The following CLSTN2 variants were observed in gnomAD, a reference collection of about 807,000 sequenced individuals.
CLSTN2 encodes calsyntenin-2.
CLSTN2 carries 48 observed loss-of-function variants against 101.2 expected under a neutral mutation model. That is an observed-to-expected ratio of 0.47 (90% CI 0.38 to 0.60). The LOEUF is 0.60. Ranked by LOEUF, CLSTN2 falls within the 20% of genes least tolerant of loss-of-function variation. CLSTN2 has a pLI of 0.00. For synonymous variants in CLSTN2, 481 were observed against 463.6 expected (o/e 1.04, Z -0.48); for missense variants, 1,160 against 1,238.2 (o/e 0.94, Z 0.95).
intron 2 of CLSTN2, among the ~76,000 whole-genome samples, chr3:140,402,303 G>A (rs2088251755): frequency 6.6e-6 from 1 of 152,114 alleles, no homozygotes; most frequent in South Asian, 2.1e-4. Context: ...TGGTGTGGTG[G>A]GATAGAAAGT....
chr3:140,253,826 T>C (rs971400547), intron 2 of CLSTN2, among the ~76,000 whole-genome samples: 1 of 152,126 alleles, frequency 6.6e-6, no homozygotes, highest in Non-Finnish European at 1.5e-5. Flanking sequence ...TCTTGCCATT[T>C]AGTCCTCTAA....
At chr3:140,311,865 T>C (rs1453522983) in intron 2 of CLSTN2, among the ~76,000 whole-genome samples, 1 of 152,288 alleles carries the variant, frequency 6.6e-6, no homozygotes, top group South Asian at 2.1e-4. Context: ...GAACAAACTT[T>C]TGCTAATGAA....
chr3:140,467,475 T>A (rs1248446297), intron 8 of CLSTN2, among the ~76,000 whole-genome samples: 2 of 152,176 alleles, frequency 1.3e-5, no homozygotes, highest in Non-Finnish European at 2.9e-5. Flanking sequence ...TTTTAAATTA[T>A]CAAGAGAAAG....
chr3:140,227,900 G>T (rs1222248412), intron 2 of CLSTN2, among the ~76,000 whole-genome samples: 1 of 152,192 alleles, frequency 6.6e-6, no homozygotes, highest in Non-Finnish European at 1.5e-5. Flanking sequence ...TCCCTAGACT[G>T]TGCACAGCAT....
intron 1 of CLSTN2, among the ~76,000 whole-genome samples, chr3:140,016,989 C>T (rs986927927): frequency 2.6e-5 from 4 of 151,976 alleles, no homozygotes; most frequent in African/African-American, 9.7e-5. Context: ...TGTCGGTGTC[C>T]CTAACTCTTG....
At chr3:140,068,810 G>A (rs922531271) in intron 1 of CLSTN2, among the ~76,000 whole-genome samples, 1 of 152,216 alleles carries the variant, frequency 6.6e-6, no homozygotes, top group Non-Finnish European at 1.5e-5. Flanking sequence ...AGAAATTTAT[G>A]ATTGTATATA....
intron 1 of CLSTN2, among the ~76,000 whole-genome samples, chr3:140,117,420 CA>C (rs2009263199): frequency 6.6e-6 from 1 of 152,128 alleles, no homozygotes; most frequent in Admixed American, 6.6e-5. Flanking sequence ...GCCTATAAAA[CA>C]GAGCTAACAG....
At chr3:140,474,735 A>G (rs548103779) in intron 8 of CLSTN2, among the ~76,000 whole-genome samples, 6 of 152,318 alleles carry the variant, frequency 3.9e-5, no homozygotes, top group Admixed American at 2.6e-4. Context: ...TCTGCAGTGC[A>G]CACCCTGCAC....
intron 1 of CLSTN2, among the ~76,000 whole-genome samples, chr3:140,106,310 C>G (rs1057304879): frequency 2.0e-5 from 3 of 152,170 alleles, no homozygotes; most frequent in African/African-American, 7.2e-5. Context: ...CCAGAGCCTT[C>G]CAGAATTCTC....
At chr3:140,512,017 C>T (rs1309358454) in intron 8 of CLSTN2, among the ~76,000 whole-genome samples, 39 of 151,642 alleles carry the variant, frequency 2.6e-4, no homozygotes, top group East Asian at 1.9e-4. Flanking sequence ...GCTTAAGTTC[C>T]TTGTAGGCTC....
intron 1 of CLSTN2, among the ~76,000 whole-genome samples, chr3:139,955,593 G>T (rs1223360794): frequency 2.1e-4 from 1 of 4,652 alleles, no homozygotes; most frequent in Non-Finnish European, 3.3e-3. Context: ...TTCGGGCCGG[G>T]CTCATGGGCT....
chr3:139,975,566 T>C (rs113517763), intron 1 of CLSTN2, among the ~76,000 whole-genome samples: 1,931 of 152,274 alleles, frequency 0.013, 20 homozygotes, highest in Middle Eastern at 0.048. Context: ...TCAGGAGCTC[T>C]TGGTTATAAG....
intron 1 of CLSTN2, among the ~76,000 whole-genome samples, chr3:140,160,563 G>T (rs1192330617): frequency 2.0e-5 from 3 of 151,970 alleles, no homozygotes; most frequent in African/African-American, 7.3e-5. Flanking sequence ...ATGCTGGACT[G>T]TTCTAGGCCA....
At chr3:140,561,204 G>C (rs979238331) in intron 12 of CLSTN2, among the ~76,000 whole-genome samples, 1 of 151,744 alleles carries the variant, frequency 6.6e-6, no homozygotes, top group Non-Finnish European at 1.5e-5. Flanking sequence ...TTCAATAAAG[G>C]AGTGCAAGAT....
At chr3:140,099,336 G>T (rs1373932600) in intron 1 of CLSTN2, among the ~76,000 whole-genome samples, 1 of 152,000 alleles carries the variant, frequency 6.6e-6, no homozygotes, top group Non-Finnish European at 1.5e-5. Context: ...GTAGCTTTTG[G>T]TGACTCCAGG....
At chr3:140,062,058 T>A (rs1379115683) in intron 1 of CLSTN2, among the ~76,000 whole-genome samples, 1 of 152,160 alleles carries the variant, frequency 6.6e-6, no homozygotes, top group African/African-American at 2.4e-5. Context: ...GTGGTAGTGG[T>A]AGAGTACTGT....
At chr3:140,139,585 A>G (rs1274708889) in intron 1 of CLSTN2, among the ~76,000 whole-genome samples, 1 of 152,180 alleles carries the variant, frequency 6.6e-6, no homozygotes, top group East Asian at 1.9e-4. Flanking sequence ...TGGATTTTTC[A>G]AAGCTCCCCA....
intron 2 of CLSTN2, among the ~76,000 whole-genome samples, chr3:140,255,649 G>C (rs9847274): frequency 3.2e-4 from 48 of 151,918 alleles, no homozygotes; most frequent in Non-Finnish European, 5.1e-4. Context: ...CTACATTTTG[G>C]GTATTAGGCT....
intron 9 of CLSTN2, among the ~76,000 whole-genome samples, chr3:140,533,174 C>G (rs892364869): frequency 6.6e-6 from 1 of 152,166 alleles, no homozygotes; most frequent in Admixed American, 6.5e-5. Flanking sequence ...TCCAAGCATG[C>G]GTGTGATCTT....
Sources: allele counts gnomAD v4.1 joint callset (sites outside exome capture counted in the v4.1 genomes callset), GRCh38; gene constraint gnomAD v4.1.1; transcripts MANE v1.5; gene names NCBI Gene and HGNC (gene_info 2026-07-23, HGNC 2026-07-21).